Variants in ADAM19 observed in about 807,000 individuals in gnomAD.
ADAM19 encodes ADAM metallopeptidase domain 19.
A neutral mutation model predicts 114.7 loss-of-function variants in ADAM19; 65 were observed. The observed-to-expected ratio is 0.57, with a 90% CI of 0.46 to 0.70. The LOEUF is 0.70. ADAM19 is among the 30% of genes least tolerant of loss of function. The pLI is 0.00. For missense variants in ADAM19, 1,063 were observed against 1,204.7 expected, an observed-to-expected ratio of 0.88 and a Z score of 1.74; for synonymous variants, 466 against 460.5, an observed-to-expected ratio of 1.01 and a Z score of -0.15.
In ADAM19 at chr5:157,505,650, C is replaced by G; in HGVS notation, c.1130+19G>C. 1 of 1,613,172 alleles carries G rather than the reference C, an allele frequency of 6.2e-7. No individual in the cohort carries two copies. Among genetic ancestry groups the G allele is most frequent in the Non-Finnish European group, 8.5e-7 (1 of 1,179,438 alleles). On this transcript the variant is annotated intron_variant, in intron 11 of 22. Transcript: ENST00000257527. The stretch of plus-strand genomic sequence containing the variant: ...GTGCCCGCCCTCCTCCCCATCCTCC[C>G]TCTTGCTGTTTGACTCACCCAGTGG...
chr5:157,575,476 GC>G (rs1459381875), intron 1 of ADAM19, 126 bp downstream of exon 1: 2 of 634,050 alleles, frequency 3.2e-6, no homozygotes, highest in African/African-American at 1.9e-5. Flanking sequence ...GCTGGGGACG[GC>G]GGGGGCGCAG....
chr5:157,499,699 G>C, intron 12 of ADAM19, 37 bp from the exon 13 acceptor site: 2 of 1,410,996 alleles, frequency 1.4e-6, no homozygotes, highest in Non-Finnish European at 2.0e-6. Flanking sequence ...GTGGGGGAGG[G>C]CCTTCACCAC....
At chr5:157,499,768 T>C in intron 12 of ADAM19, 106 bp from the exon 13 acceptor site, 1 of 416,882 alleles carries the variant, frequency 2.4e-6, no homozygotes, top group South Asian at 3.4e-5. Context: ...CTCTAGCAAC[T>C]ATCTCTTTTT....
At chr5:157,506,550 G>A (rs1446453522) in intron 10 of ADAM19, among the ~76,000 whole-genome samples, 3 of 152,144 alleles carry the variant, frequency 2.0e-5, no homozygotes, top group African/African-American at 7.2e-5. Context: ...ATGGATAGAG[G>A]GACAGACAAA....
intron 7 of ADAM19, among the ~76,000 whole-genome samples, chr5:157,514,930 T>A (rs1025725521): frequency 3.3e-5 from 5 of 152,216 alleles, no homozygotes; most frequent in African/African-American, 1.2e-4. Flanking sequence ...TTATTTTGAT[T>A]CAAAATCTTC....
In ADAM19 at chr5:157,493,054, G is replaced by A. The variant is rs929872438; in HGVS notation, c.1827C>T (p.His609=). The A allele has an allele frequency of 9.3e-6, 15 of 1,614,254 alleles. No individual in the cohort carries two copies. The highest frequency in any genetic ancestry group is 2.2e-5 in the South Asian group (2 of 91,090). The change falls in exon 16 of 23, where the codon CAC becomes CAT. Residue 609 remains histidine, a synonymous_variant. Coordinates refer to ENST00000257527, the MANE Select transcript of ADAM19 (RefSeq NM_033274.5). ...NGRQIQCRGT[H]VYRGPEEEGD... ...CCTCCTCCTCAGGACCTCGGTAGACGTGGGTGCCCCGGCACTGGATCTGCC... is the reference window on the plus strand; with the variant it reads ...CCTCCTCCTCAGGACCTCGGTAGACATGGGTGCCCCGGCACTGGATCTGCC...
chr5:157,503,096 C>G, intron 11 of ADAM19, 116 bp from the exon 12 acceptor site: 1 of 841,020 alleles, frequency 1.2e-6, no homozygotes, highest in Non-Finnish European at 1.9e-6. Context: ...GGGTTCAGAC[C>G]CCCATTGTCT....
Position 157,478,674 on chromosome 5 carries a change from GT to G in ADAM19, c.*2274del. On this transcript the variant is annotated 3_prime_UTR_variant, in exon 23 of 23. Coordinates refer to ENST00000257527, the MANE Select transcript of ADAM19 (RefSeq NM_033274.5). ...CAGGAGTGAAGCATTAGTAGAACTG[GT>G]TGCCGAAAGTCTATCAAATTCCAAA... 1.0e-6 allele frequency: 1 copy of G among 985,882 alleles called. No individual in the cohort carries two copies. The highest frequency in any genetic ancestry group is 1.2e-6 in the Non-Finnish European group (1 of 829,954). The allele number at this position is 985,882 out of a possible 1,614,324, so 61.1% of individuals were successfully genotyped here.
chr5:157,526,692 C>T (rs186711010), intron 5 of ADAM19, among the ~76,000 whole-genome samples: 79 of 151,706 alleles, frequency 5.2e-4, no homozygotes, highest in African/African-American at 1.9e-3. Flanking sequence ...GGGATCTCAG[C>T]TCACTGCAAC....
intron 3 of ADAM19, among the ~76,000 whole-genome samples, chr5:157,556,976 G>T (rs919088150): frequency 2.6e-5 from 4 of 152,098 alleles, no homozygotes; most frequent in Admixed American, 6.5e-5. Flanking sequence ...CACCTCCTGG[G>T]CTCAAAAGAT....
rs1012401723 is a variant in ADAM19, at chr5:157,491,676, C to A, written c.2034G>T (p.Pro678=). The A allele has an allele frequency of 6.3e-7, 1 of 1,578,322 alleles. No homozygotes were observed. Among genetic ancestry groups the A allele is most frequent in the Non-Finnish European group, 8.6e-7 (1 of 1,160,650 alleles). ...QNCHCLPGWA[P]PFCNTPGHGG... is the part of the protein sequence containing the mutation. ...CGTGGCCCGGTGTGTTGCAGAAGGG[C>A]GGGGCCCAGCCCGGCAGGCAGTGGC... The change falls in exon 18 of 23, where the codon CCG becomes CCT. Residue 678 remains proline, a synonymous_variant. Transcript: ENST00000257527.
At chr5:157,501,875 T>C (rs1369085315) in intron 12 of ADAM19, among the ~76,000 whole-genome samples, 1 of 151,358 alleles carries the variant, frequency 6.6e-6, no homozygotes, top group Admixed American at 6.6e-5. Context: ...GTAGCAAAAC[T>C]CTGTCTCTGC....
chr5:157,553,369 T>C (rs1192961938), intron 3 of ADAM19, among the ~76,000 whole-genome samples: 1 of 152,186 alleles, frequency 6.6e-6, no homozygotes, highest in Non-Finnish European at 1.5e-5. Flanking sequence ...ATTACTGAGA[T>C]TTGTTTCATG....
chr5:157,504,279 C>T (rs1755666314), intron 11 of ADAM19, among the ~76,000 whole-genome samples: 1 of 152,098 alleles, frequency 6.6e-6, no homozygotes, highest in Admixed American at 6.5e-5. Context: ...AGTCTTGCTC[C>T]GTTGCCCAGG....
At chr5:157,521,359 A>G (rs1756282348) in intron 5 of ADAM19, among the ~76,000 whole-genome samples, 1 of 152,222 alleles carries the variant, frequency 6.6e-6, no homozygotes, top group African/African-American at 2.4e-5. Flanking sequence ...AACCTCAGGC[A>G]GGCTCTCATC....
In ADAM19 at chr5:157,528,488, G is replaced by A. The variant is rs76830115; in HGVS notation, c.407+2319C>T. Reference sequence around the variant, plus strand: ...GTTTACTTGCAGACTGCAGGTGGCGGTGGCTGGGCTTGTAAATACCACTGC... The same window carrying A: ...GTTTACTTGCAGACTGCAGGTGGCGATGGCTGGGCTTGTAAATACCACTGC... On this transcript the variant is annotated intron_variant, in intron 5 of 22. Transcript: ENST00000257527. Among the ~76,000 whole-genome samples the A allele has an allele frequency of 8.0e-4, 122 of 152,330 alleles. 1 individual carries two copies. The highest frequency in any genetic ancestry group is 2.8e-3 in the African/African-American group (116 of 41,570).
At chr5:157,499,776 T>A in intron 12 of ADAM19, 114 bp from the exon 13 acceptor site, 2 of 300,616 alleles carry the variant, frequency 6.7e-6, no homozygotes, top group Non-Finnish European at 1.2e-5. Context: ...ACTATCTCTT[T>A]TTTTTTTTTT....
intron 5 of ADAM19, among the ~76,000 whole-genome samples, chr5:157,520,617 C>CT (rs1176022658): frequency 6.6e-6 from 1 of 152,166 alleles, no homozygotes; most frequent in African/African-American, 2.4e-5. Flanking sequence ...CGTCAGTTTC[C>CT]TCATCCCTAA....
intron 3 of ADAM19, among the ~76,000 whole-genome samples, chr5:157,543,057 C>A (rs1581342507): frequency 6.6e-6 from 1 of 152,024 alleles, no homozygotes; most frequent in East Asian, 1.9e-4. Context: ...TTTTACAGCC[C>A]CTAGGATATT....
Sources: gnomAD v4.1 joint callset for allele counts (sites outside exome capture counted in the v4.1 genomes callset) on GRCh38, gnomAD v4.1.1 for gene constraint, MANE v1.5 for transcripts, NCBI Gene and HGNC (gene_info 2026-07-23, HGNC 2026-07-21) for gene names.